The following RICTOR variants were observed in gnomAD, a reference collection of about 807,000 sequenced individuals.
RICTOR encodes the protein rapamycin-insensitive companion of mTOR.
A neutral mutation model predicts 214.9 loss-of-function variants in RICTOR; 49 were observed. That is an observed-to-expected ratio of 0.23 (90% CI 0.18 to 0.29). The LOEUF (loss-of-function observed/expected upper bound fraction) is 0.29, where lower values mean the gene tolerates loss of function less well. Ranked by LOEUF, RICTOR falls within the 10% of genes least tolerant of loss-of-function variation. The probability of loss-of-function intolerance (pLI) is 1.00; values close to 1 mark genes in which losing one functional copy is unlikely to be tolerated. For synonymous variants in RICTOR, 717 were observed against 711.3 expected (o/e 1.01, Z -0.13); for missense variants, 1,625 against 2,047.0 (o/e 0.79, Z 3.98).
Position 38,947,451 on chromosome 5 carries a change from C to T in RICTOR, c.4137-10G>A, listed in dbSNP as rs1290806691. The T allele has an allele frequency of 6.3e-7, 1 of 1,578,040 alleles. No individual in the cohort carries two copies. Reference sequence around the variant, plus strand: ...TAAGGCTTTCATGAACCTATAAAACCATAAAGAAACCACTTGCATTAGTTT... The same window carrying T: ...TAAGGCTTTCATGAACCTATAAAACTATAAAGAAACCACTTGCATTAGTTT... On this transcript the variant is annotated splice_polypyrimidine_tract_variant and intron_variant, in intron 31 of 37. Transcript: ENST00000357387.
chr5:39,019,638 G>A (rs1580116892), intron 3 of RICTOR, among the ~76,000 whole-genome samples: 1 of 152,048 alleles, frequency 6.6e-6, no homozygotes, highest in South Asian at 2.1e-4. Context: ...AAATTGTTAC[G>A]GCTCATTGAC....
At chr5:39,057,850 C>T (rs901816920) in intron 2 of RICTOR, among the ~76,000 whole-genome samples, 1 of 152,080 alleles carries the variant, frequency 6.6e-6, no homozygotes, top group Non-Finnish European at 1.5e-5. Context: ...ATTTAATACA[C>T]TTCAAGTATT....
At chr5:39,015,680 T>C (rs146736988) in intron 3 of RICTOR, among the ~76,000 whole-genome samples, 60 of 152,132 alleles carry the variant, frequency 3.9e-4, no homozygotes, top group Middle Eastern at 3.4e-3. Context: ...TTTACAGTAA[T>C]AGTTTACCAA....
chr5:38,990,648 GAT>G lies in RICTOR; in HGVS notation c.583+299_583+300del, dbSNP rs773521918. On this transcript the variant is annotated intron_variant, in intron 7 of 37. Coordinates refer to ENST00000357387, the MANE Select transcript of RICTOR (RefSeq NM_152756.5). The stretch of plus-strand genomic sequence containing the variant: ...TGATATATATATCTGACATATATCA[GAT>G]ATATGATATATATCAGATATATATC... Among the ~76,000 whole-genome samples the G allele has an allele frequency of 7.8e-3, 375 of 48,024 alleles. 42 individuals carry two copies. The South Asian group carries it at 0.085, about 11-fold the overall frequency. 31.5% of individuals were successfully genotyped at this position (48,024 alleles called of 152,430 possible). A position where few individuals can be genotyped will look rare whatever the true frequency, so the allele number is the denominator to read the frequency against.
At chr5:39,063,320 A>G (rs1377216974) in intron 2 of RICTOR, among the ~76,000 whole-genome samples, 1 of 152,136 alleles carries the variant, frequency 6.6e-6, no homozygotes, top group Non-Finnish European at 1.5e-5. Context: ...TCTGTAATAT[A>G]ATCATTCTTC....
chr5:38,946,274 C>T (rs994028842), intron 33 of RICTOR, among the ~76,000 whole-genome samples, 194 bp downstream of exon 33: 3 of 152,174 alleles, frequency 2.0e-5, no homozygotes, highest in African/African-American at 7.2e-5. Context: ...ACTGAAAACA[C>T]TGTTAAGTCC....
intron 2 of RICTOR, among the ~76,000 whole-genome samples, chr5:39,039,188 C>T (rs1402579272): frequency 6.6e-6 from 1 of 152,124 alleles, no homozygotes; most frequent in African/African-American, 2.4e-5. Context: ...TGATCTTTGA[C>T]AAACCTGACA....
chr5:39,032,178 T>G (rs1224259328), intron 2 of RICTOR, among the ~76,000 whole-genome samples: 1 of 152,200 alleles, frequency 6.6e-6, no homozygotes, highest in African/African-American at 2.4e-5. Context: ...ACATTTTTTC[T>G]TTACTGATGC....
rs1279695155 is a variant in RICTOR at position 38,996,996 on chromosome 5, T to C, written c.393-114A>G. 4 of 725,068 alleles carry C rather than the reference T, an allele frequency of 5.5e-6. No homozygotes were observed. In the Admixed American group the frequency reaches 8.0e-5, roughly 14 times the overall value. The allele number at this position is 725,068 out of a possible 1,614,324, so 44.9% of individuals were successfully genotyped here. A position where few individuals can be genotyped will look rare whatever the true frequency, so the allele number is the denominator to read the frequency against. ...CAATGTCAATATGGTATATTATTGT[T>C]TTGGTATATGATTTCTCAGTACCAG... On this transcript the variant is annotated intron_variant, in intron 5 of 37. Transcript: ENST00000357387.
chr5:38,953,656 T>C (rs1748989983), intron 27 of RICTOR, 103 bp from the exon 28 acceptor site: 5 of 386,070 alleles, frequency 1.3e-5, no homozygotes, highest in African/African-American at 2.1e-5. Context: ...TTTGTCATTT[T>C]TGCATATTTA....
Position 38,950,223 on chromosome 5 carries a change from T to C in RICTOR, c.3625A>G (p.Thr1209Ala), listed in dbSNP as rs776872290. The change falls in exon 31 of 38, where the codon ACG becomes GCG. Residue 1209 changes from threonine (T) to alanine (A), a missense_variant. Transcript: ENST00000357387. ...SRERLVVESS[T>A]SSHMKIRSQS... ...CTACGTATCTTCATATGTGAGCTCG[T>C]TGAACTTTCTACTACTAACCTCTCT... is the stretch of plus-strand genomic sequence containing the variant. The C allele has an allele frequency of 1.8e-5, 29 of 1,613,468 alleles. No individual in the cohort carries two copies. Among genetic ancestry groups the C allele is most frequent in the East Asian group, 4.5e-5 (2 of 44,876 alleles).
At chr5:39,045,018 G>T (rs1757397554) in intron 2 of RICTOR, among the ~76,000 whole-genome samples, 1 of 152,126 alleles carries the variant, frequency 6.6e-6, no homozygotes. Context: ...GGAGAAAATG[G>T]ATAAGACCTG....
intron 30 of RICTOR, among the ~76,000 whole-genome samples, chr5:38,951,009 C>A (rs940438754): frequency 6.6e-6 from 1 of 151,740 alleles, no homozygotes; most frequent in African/African-American, 2.4e-5. Flanking sequence ...TTTTGATTCT[C>A]CAAATATTCA....
At chr5:38,959,493 C>T (rs1325006964) in intron 21 of RICTOR, among the ~76,000 whole-genome samples, 172 bp from the exon 22 acceptor site, 2 of 152,066 alleles carry the variant, frequency 1.3e-5, no homozygotes, top group Non-Finnish European at 2.9e-5. Flanking sequence ...TTACCACAAT[C>T]AATGAACACA....
rs752934309 is a variant in RICTOR at position 38,966,642 on chromosome 5, A to G, written c.1298T>C (p.Met433Thr). Residue 433 changes from methionine (M) to threonine (T), a missense_variant and splice_region_variant, in exon 15 of 38, where the codon ATG (methionine) becomes ACG (threonine). Transcript: ENST00000357387. ...ATILLGELLH[M>T]ANTILPHSHS... ...ATAATCAGAAGTTGCTAAACTTACC[A>G]TATGTAAAAGCTCTCCTAAAAGGAT... 2.7e-6 allele frequency: 4 copies of G among 1,492,418 alleles called. No homozygotes were observed. The highest frequency in any genetic ancestry group is 3.7e-6 in the Non-Finnish European group (4 of 1,077,614). The allele number at this position is 1,492,418 out of a possible 1,614,324, so 92.4% of individuals were successfully genotyped here. A position where few individuals can be genotyped will look rare whatever the true frequency, so the allele number is the denominator to read the frequency against.
Position 39,004,762 on chromosome 5 carries a change from GGGCCTC to G in RICTOR, c.196-1146_196-1141del, listed in dbSNP as rs1753902050. Among the ~76,000 whole-genome samples the G allele has an allele frequency of 2.0e-5, 3 of 148,982 alleles. No homozygotes were observed. The Admixed American group carries it at 2.0e-4, about 10-fold the overall frequency. On this transcript the variant is annotated intron_variant, in intron 3 of 37. Coordinates refer to ENST00000357387, the MANE Select transcript of RICTOR (RefSeq NM_152756.5). ...GATTACAGGCGTGAGCCACCGCACT[GGGCCTC>G]TCAGACTCTTTTTTTTTTTTTTTTT...
intron 3 of RICTOR, among the ~76,000 whole-genome samples, chr5:39,013,997 T>A (rs1754748085): frequency 6.6e-6 from 1 of 152,170 alleles, no homozygotes; most frequent in South Asian, 2.1e-4. Flanking sequence ...TTTTACTGTA[T>A]CTTTTCTATG....
In RICTOR at chr5:38,939,170, A is replaced by G. The variant is rs1201038588; in HGVS notation, c.*3134T>C. On this transcript the variant is annotated 3_prime_UTR_variant, in exon 38 of 38. Transcript: ENST00000357387. ...GGATAAAAGGCATCCTCTGAATGGA[A>G]TAACATTTTATATAAATAGCAGTAG... 1 of 232,912 alleles carries G rather than the reference A, an allele frequency of 4.3e-6. No homozygotes were observed. The allele number at this position is 232,912 out of a possible 1,614,324, so 14.4% of individuals were successfully genotyped here.
chr5:39,056,396 G>A (rs1758207648), intron 2 of RICTOR, among the ~76,000 whole-genome samples: 1 of 152,098 alleles, frequency 6.6e-6, no homozygotes, highest in South Asian at 2.1e-4. Flanking sequence ...CACTTTTGGG[G>A]GGCCAAGACA....
Sources: gnomAD v4.1 joint callset for allele counts (sites outside exome capture counted in the v4.1 genomes callset) on GRCh38, gnomAD v4.1.1 for gene constraint, MANE v1.5 for transcripts, NCBI Gene and HGNC (gene_info 2026-07-23, HGNC 2026-07-21) for gene names.